STPG2: variants seen among roughly 807,000 people sequenced by gnomAD.
The protein encoded by STPG2 is sperm-tail PG-rich repeat-containing protein 2.
Under a neutral mutation model 54.2 loss-of-function variants are expected in STPG2, and 56 were observed. The ratio of observed to expected loss-of-function variants is 1.03; its 90% CI spans 0.83 to 1.29. STPG2 has a LOEUF of 1.29. STPG2 is among the 50% of genes most tolerant of loss of function. The probability of loss-of-function intolerance (pLI) is 0.00; values close to 1 mark genes in which losing one functional copy is unlikely to be tolerated. For missense variants in STPG2, 596 were observed against 544.9 expected, an observed-to-expected ratio of 1.09 and a Z score of -0.93; for synonymous variants, 200 against 181.8, an observed-to-expected ratio of 1.10 and a Z score of -0.81.
chr4:97,741,906 C>G (rs925568484), intron 9 of STPG2, among the ~76,000 whole-genome samples: 39 of 152,252 alleles, frequency 2.6e-4, no homozygotes, highest in African/African-American at 8.9e-4. Context: ...TATAAAGACA[C>G]ATGCACACGT....
intron 10 of STPG2, among the ~76,000 whole-genome samples, chr4:97,642,865 A>G (rs1476795406): frequency 1.3e-5 from 2 of 151,482 alleles, no homozygotes; most frequent in Admixed American, 1.3e-4. Context: ...AAATAATCAA[A>G]ACAAAAAAAG....
chr4:97,891,495 A>C (rs188633082), intron 8 of STPG2, among the ~76,000 whole-genome samples: 233 of 152,228 alleles, frequency 1.5e-3, no homozygotes, highest in African/African-American at 5.5e-3. Context: ...TAACTAAAAA[A>C]AAATGATATA....
At chr4:97,934,859 T>G (rs1198797058) in intron 8 of STPG2, among the ~76,000 whole-genome samples, 1 of 152,222 alleles carries the variant, frequency 6.6e-6, no homozygotes, top group Non-Finnish European at 1.5e-5. Flanking sequence ...ATCAGGATGA[T>G]GCTGGCCTCA....
chr4:98,111,486 G>A (rs1176792410), intron 3 of STPG2, among the ~76,000 whole-genome samples: 1 of 152,084 alleles, frequency 6.6e-6, no homozygotes, highest in African/African-American at 2.4e-5. Context: ...GCTTTGAGGT[G>A]CCACAACAAA....
intron 4 of STPG2, among the ~76,000 whole-genome samples, chr4:97,479,801 T>C (rs1000074529): frequency 2.0e-5 from 3 of 151,886 alleles, no homozygotes; most frequent in East Asian, 1.9e-4. Flanking sequence ...GAAACAATTG[T>C]CTTCAGCTAT....
At chr4:97,752,168 A>G (rs1416542661) in intron 9 of STPG2, among the ~76,000 whole-genome samples, 2 of 151,810 alleles carry the variant, frequency 1.3e-5, no homozygotes, top group East Asian at 3.9e-4. Flanking sequence ...TAAACTTACA[A>G]GCAGTTTTAA....
chr4:97,909,231 A>G (rs1402254447), intron 8 of STPG2, among the ~76,000 whole-genome samples: 2 of 151,976 alleles, frequency 1.3e-5, no homozygotes, highest in African/African-American at 4.8e-5. Flanking sequence ...CATTATGAAC[A>G]ACTTTATGCA....
intron 5 of STPG2, among the ~76,000 whole-genome samples, chr4:98,002,142 T>C (rs890469): frequency 0.34 from 51,658 of 151,784 alleles, 9,992 homozygotes; most frequent in Non-Finnish European, 0.42. Context: ...TTATAAGTAG[T>C]AGCAGGGTTT....
At chr4:97,825,100 C>T (rs1728211325) in intron 9 of STPG2, among the ~76,000 whole-genome samples, 1 of 151,950 alleles carries the variant, frequency 6.6e-6, no homozygotes, top group East Asian at 1.9e-4. Flanking sequence ...GCTCTAACAG[C>T]CTGAGGCTCC....
chr4:97,926,138 C>A (rs1243859726), intron 8 of STPG2, among the ~76,000 whole-genome samples: 1 of 152,126 alleles, frequency 6.6e-6, no homozygotes, highest in Non-Finnish European at 1.5e-5. Context: ...GCAGTAGCCA[C>A]CTACTGCATG....
intron 10 of STPG2, among the ~76,000 whole-genome samples, chr4:97,665,954 A>G (rs1035706340): frequency 5.3e-5 from 8 of 152,132 alleles, no homozygotes; most frequent in African/African-American, 1.9e-4. Context: ...GGAGAGGCCA[A>G]GCAGCAGAAG....
At chr4:97,570,565 T>C (rs1440245676) in intron 10 of STPG2, among the ~76,000 whole-genome samples, 1 of 152,024 alleles carries the variant, frequency 6.6e-6, no homozygotes, top group East Asian at 1.9e-4. Flanking sequence ...CAAAAGTTTT[T>C]TTTTTTTTCC....
chr4:97,463,267 C>A (rs1339176097), intron 4 of STPG2, among the ~76,000 whole-genome samples: 8 of 152,048 alleles, frequency 5.3e-5, no homozygotes, highest in Admixed American at 5.2e-4. Flanking sequence ...CTAGCCACTA[C>A]AATTTTTTTA....
intron 9 of STPG2, among the ~76,000 whole-genome samples, chr4:97,809,683 G>C (rs1235206438): frequency 1.3e-5 from 2 of 152,134 alleles, no homozygotes; most frequent in Non-Finnish European, 2.9e-5. Flanking sequence ...CTGTCCTAAA[G>C]AACTTAATTC....
At chr4:98,112,371 T>C (rs555077951) in intron 3 of STPG2, among the ~76,000 whole-genome samples, 10 of 152,218 alleles carry the variant, frequency 6.6e-5, no homozygotes, top group African/African-American at 2.4e-4. Flanking sequence ...GGCTATACCA[T>C]ATAGCTTAGG....
chr4:97,458,330 AT>A (rs1441277690), intron 4 of STPG2, among the ~76,000 whole-genome samples: 1 of 152,180 alleles, frequency 6.6e-6, no homozygotes, highest in Non-Finnish European at 1.5e-5. Context: ...AGAACAATTC[AT>A]TTGTCATTTC....
intron 8 of STPG2, among the ~76,000 whole-genome samples, chr4:97,893,768 T>C (rs1354772422): frequency 6.6e-6 from 1 of 152,042 alleles, no homozygotes; most frequent in Non-Finnish European, 1.5e-5. Flanking sequence ...TGGTACATTA[T>C]TATAACAGAA....
intron 4 of STPG2, among the ~76,000 whole-genome samples, chr4:97,532,631 G>A (rs879437216): frequency 8.5e-5 from 13 of 152,194 alleles, no homozygotes; most frequent in Non-Finnish European, 1.6e-4. Context: ...TATTCATGGC[G>A]GTTCAGGAGG....
chr4:97,794,960 G>T (rs1356918156), intron 9 of STPG2, among the ~76,000 whole-genome samples: 2 of 152,068 alleles, frequency 1.3e-5, no homozygotes, highest in African/African-American at 4.8e-5. Flanking sequence ...TTGCAAAAAT[G>T]ATAATTTCTG....
Sources: gnomAD v4.1 joint callset for allele counts (sites outside exome capture counted in the v4.1 genomes callset) on GRCh38, gnomAD v4.1.1 for gene constraint, MANE v1.5 for transcripts, NCBI Gene and HGNC (gene_info 2026-07-23, HGNC 2026-07-21) for gene names.